DNAH5: variants seen among roughly 807,000 people sequenced by gnomAD.
DNAH5 encodes dynein axonemal heavy chain 5.
DNAH5 carries 372 observed loss-of-function variants against 518.2 expected under a neutral mutation model. The ratio of observed to expected loss-of-function variants is 0.72; its 90% CI spans 0.66 to 0.78. The LOEUF (loss-of-function observed/expected upper bound fraction) is 0.78, where lower values mean the gene tolerates loss of function less well. Among genes scored for constraint, DNAH5 ranks in the 30% least tolerant of loss-of-function variants. DNAH5 has a pLI of 0.00. For missense variants in DNAH5, 5,523 were observed against 5,687.0 expected (o/e 0.97, Z 0.93); for synonymous variants, 2,039 against 2,025.9 (o/e 1.01, Z -0.17).
intron 30 of DNAH5, among the ~76,000 whole-genome samples, chr5:13,859,061 T>C (rs1438715491): frequency 7.6e-6 from 1 of 131,932 alleles, no homozygotes; most frequent in East Asian, 2.1e-4. Context: ...GTACATTGTA[T>C]AGTATGCATT....
chr5:13,746,630 A>G (rs951155683), intron 65 of DNAH5, among the ~76,000 whole-genome samples: 2 of 152,164 alleles, frequency 1.3e-5, no homozygotes, highest in Non-Finnish European at 2.9e-5. Flanking sequence ...ATTAAGATTT[A>G]CAACAGGTAG....
chr5:13,777,924 T>C lies in DNAH5; in HGVS notation c.8952-569A>G, dbSNP rs1004706005. On this transcript the variant is annotated intron_variant, in intron 53 of 78. Coordinates refer to ENST00000265104, the MANE Select transcript of DNAH5 (RefSeq NM_001369.3). Reference sequence around the variant, plus strand: ...GGAAACGTTGTGAAATATCCCAGTCTGAAGGTTCTCTAATTACCCAAAGCA... The same window carrying C: ...GGAAACGTTGTGAAATATCCCAGTCCGAAGGTTCTCTAATTACCCAAAGCA... Among the ~76,000 whole-genome samples the C allele has an allele frequency of 1.4e-4, 22 of 152,192 alleles. 1 individual carries two copies. Among genetic ancestry groups the C allele is most frequent in the Admixed American group, 5.9e-4 (9 of 15,274 alleles).
chr5:13,865,857 T>C lies in DNAH5; in HGVS notation c.4166A>G (p.Glu1389Gly), dbSNP rs1769168797. The change falls in exon 27 of 79, where the codon GAG (glutamate) becomes GGG (glycine). Residue 1389 changes from glutamate (E) to glycine (G), a missense_variant. By Grantham distance (98) the Glu-to-Gly change is moderately conservative. This residue lies in a region of DNAH5 where 5,121 missense variants were observed against 5,223.3 expected (regional missense o/e 0.98). Transcript: ENST00000265104. ...YRKYITYTGG[E>G]ELFGLPATQY... is the part of the protein sequence containing the mutation. ...TGTAGCTGGCAGGCCAAAAAGCTCC[T>C]CTCCTCCAGTATATGTGATGTATTT... 6.2e-7 allele frequency: 1 copy of C among 1,613,240 alleles called. No individual in the cohort carries two copies. The highest frequency in any genetic ancestry group is 8.5e-7 in the Non-Finnish European group (1 of 1,179,444).
At chr5:13,878,598 G>A (rs1771222147) in intron 21 of DNAH5, among the ~76,000 whole-genome samples, 1 of 152,150 alleles carries the variant, frequency 6.6e-6, no homozygotes, top group Non-Finnish European at 1.5e-5. Context: ...TTTCTGGAAG[G>A]AGCTACGACA....
In DNAH5 at chr5:13,864,603, G is replaced by A; in HGVS notation, c.4390C>T (p.Gln1464Ter). ...RKLPRALKDW[Q>*]AFLDLKKIID... Reference sequence around the variant, plus strand: ...ATCTTCTTCAGGTCCAAAAAAGCCTGCCAGTCCTTCAAGGCCCGGGGAAGC... The same window carrying A: ...ATCTTCTTCAGGTCCAAAAAAGCCTACCAGTCCTTCAAGGCCCGGGGAAGC... Residue 1464 changes from glutamine to a stop codon, truncating the protein, a stop_gained, in exon 28 of 79, where the codon CAG becomes TAG. Coordinates refer to ENST00000265104, the MANE Select transcript of DNAH5 (RefSeq NM_001369.3). LOFTEE classifies it high-confidence loss of function. 6.2e-7 allele frequency: 1 copy of A among 1,614,128 alleles called. No individual in the cohort carries two copies. The highest frequency in any genetic ancestry group is 8.5e-7 in the Non-Finnish European group (1 of 1,180,000).
At chr5:13,736,069 A>T in intron 66 of DNAH5, 137 bp from the exon 67 acceptor site, 2 of 697,214 alleles carry the variant, frequency 2.9e-6, no homozygotes, top group Non-Finnish European at 5.3e-6. Context: ...TACGGGATAC[A>T]AAGCGATATT....
At chr5:13,754,064 C>T (rs749669345) in intron 62 of DNAH5, 139 bp downstream of exon 62, 84 of 954,294 alleles carry the variant, frequency 8.8e-5, no homozygotes, top group Non-Finnish European at 1.3e-4. Flanking sequence ...TTTTAGGGTA[C>T]ATGCGCACAA....
At chr5:13,978,829 C>T (rs1782467501) in intron 1 of DNAH5, among the ~76,000 whole-genome samples, 1 of 152,106 alleles carries the variant, frequency 6.6e-6, no homozygotes, top group South Asian at 2.1e-4. Flanking sequence ...CAGAATGTAT[C>T]TCCATCATTA....
rs1248378941 is a variant in DNAH5 at position 13,986,740 on chromosome 5, T to A, written c.12+24908A>T. 2.6e-5 allele frequency among the ~76,000 whole-genome samples: 4 copies of A among 152,124 alleles called. No individual in the cohort carries two copies. In the East Asian group the frequency reaches 7.7e-4, roughly 29 times the overall value. On this transcript the variant is annotated intron_variant, in intron 1 of 78. Transcript: ENST00000681290. ...AGGCCCCTTTCACTGCTTTAGTAGG[T>A]ATACATTTTTTGCAAGCAAAAGAAT...
At chr5:13,880,639 T>C (rs1053615466) in intron 21 of DNAH5, among the ~76,000 whole-genome samples, 2 of 151,716 alleles carry the variant, frequency 1.3e-5, no homozygotes, top group African/African-American at 4.8e-5. Flanking sequence ...ATAATTAGTA[T>C]AAGATGTTTT....
intron 29 of DNAH5, among the ~76,000 whole-genome samples, chr5:13,861,656 G>A (rs1030559425): frequency 6.6e-6 from 1 of 152,166 alleles, no homozygotes; most frequent in African/African-American, 2.4e-5. Context: ...TTATATACAT[G>A]TAATGAAAGT....
intron 47 of DNAH5, among the ~76,000 whole-genome samples, chr5:13,800,911 G>C (rs1339358331): frequency 6.6e-6 from 1 of 151,990 alleles, no homozygotes; most frequent in Non-Finnish European, 1.5e-5. Context: ...AGAAGGTAAG[G>C]AGGGAAGGCA....
intron 64 of DNAH5, 45 bp from the exon 65 acceptor site, chr5:13,751,305 CCTTA>C (rs761654121): frequency 3.4e-6 from 5 of 1,482,610 alleles, no homozygotes; most frequent in Non-Finnish European, 4.6e-6. Flanking sequence ...TAGAGATATA[CCTTA>C]CTGTGTCTTT....
chr5:13,969,217 A>C (rs1312981828), intron 1 of DNAH5, among the ~76,000 whole-genome samples: 2 of 152,008 alleles, frequency 1.3e-5, no homozygotes, highest in African/African-American at 4.8e-5. Flanking sequence ...TTCTCTTCTT[A>C]ATTAATCTCA....
rs191663692 is a variant in DNAH5 at position 13,935,759 on chromosome 5, G to T, written c.58-4515C>A. 9.8e-5 allele frequency among the ~76,000 whole-genome samples: 15 copies of T among 152,344 alleles called. No homozygotes were observed. The East Asian group carries it at 1.7e-3, about 18-fold the overall frequency. On this transcript the variant is annotated intron_variant, in intron 1 of 78. Coordinates refer to ENST00000265104, the MANE Select transcript of DNAH5 (RefSeq NM_001369.3). ...GCAGCTTTCTGGCTGCTAAGGAACT[G>T]CAGCAACAAGCAGTCAGGTGACTAG...
chr5:13,750,699 C>T (rs1750086547), intron 65 of DNAH5, among the ~76,000 whole-genome samples: 1 of 152,072 alleles, frequency 6.6e-6, no homozygotes, highest in Admixed American at 6.6e-5. Context: ...AAAGAAAAAC[C>T]TAGATGTGTA....
chr5:13,968,245 A>G (rs1013605780), intron 1 of DNAH5, among the ~76,000 whole-genome samples: 1 of 152,192 alleles, frequency 6.6e-6, no homozygotes, highest in Non-Finnish European at 1.5e-5. Context: ...ATATACTATC[A>G]TATCATCAGA....
chr5:13,999,625 T>C (rs1386096853), intron 1 of DNAH5, among the ~76,000 whole-genome samples: 1 of 152,278 alleles, frequency 6.6e-6, no homozygotes, highest in Non-Finnish European at 1.5e-5. Flanking sequence ...ACATCTCAGC[T>C]ATTGTAAATA....
At chr5:13,841,623 C>T (rs1230707597) in intron 33 of DNAH5, 69 bp downstream of exon 33, 4 of 1,247,760 alleles carry the variant, frequency 3.2e-6, no homozygotes, top group Non-Finnish European at 4.7e-6. Context: ...TTGAAGCTTA[C>T]AATAGGTAAT....
Sources: gnomAD v4.1 joint callset for allele counts (sites outside exome capture counted in the v4.1 genomes callset) on GRCh38, gnomAD v4.1.1 for gene constraint, gnomAD v4.1.1 regional missense constraint, MANE v1.5 for transcripts, NCBI Gene and HGNC (gene_info 2026-07-23, HGNC 2026-07-21) for gene names.